SNTB2: variants seen among roughly 807,000 people sequenced by gnomAD.
The protein encoded by SNTB2 is beta-2-syntrophin.
In SNTB2, 34 loss-of-function variants were observed where a neutral mutation model predicts 46.2. That is an observed-to-expected ratio of 0.74 (90% CI 0.56 to 0.98). SNTB2 has a LOEUF of 0.98. SNTB2 is among the 50% of genes least tolerant of loss of function. The pLI, the probability that SNTB2 is intolerant of heterozygous loss-of-function variation, is 0.00. For missense variants in SNTB2, 603 were observed against 731.4 expected, an observed-to-expected ratio of 0.82 and a Z score of 2.02; for synonymous variants, 290 against 312.6, an observed-to-expected ratio of 0.93 and a Z score of 0.76.
chr16:69,292,153 C>T (rs1044648474), intron 5 of SNTB2, among the ~76,000 whole-genome samples: 11 of 144,956 alleles, frequency 7.6e-5, no homozygotes, highest in Non-Finnish European at 1.2e-4. Flanking sequence ...AGGAGAATGG[C>T]GAGAACCCGG....
intron 1 of SNTB2, among the ~76,000 whole-genome samples, chr16:69,236,417 T>C (rs561395635): frequency 2.9e-4 from 44 of 152,260 alleles, no homozygotes; most frequent in African/African-American, 1.1e-3. Flanking sequence ...ACAACTATTG[T>C]ATGAGTCCAC....
In SNTB2 at chr16:69,303,749, A is replaced by G. The variant is rs1290969049; in HGVS notation, c.*2825A>G. On this transcript the variant is annotated 3_prime_UTR_variant, in exon 7 of 7. Transcript: ENST00000336278. ...CCGCAAATGAAGTGCTCTCTAATGA[A>G]TGGGACACCATGATAAATATGTATT... The G allele has an allele frequency of 6.5e-6, 1 of 152,686 alleles. No individual in the cohort carries two copies. The highest frequency in any genetic ancestry group is 1.9e-4 in the East Asian group (1 of 5,204). The allele number at this position is 152,686 out of a possible 1,614,324, so 9.5% of individuals were successfully genotyped here.
At position 69,250,140 on chromosome 16, in the gene SNTB2, T is replaced by G. The variant is rs79524856; in HGVS notation, c.794+4325T>G. ...GATTTGCTTTTTGTAAAATATAAAT[T>G]GGAAGAGATTCAAGGTTATTCCTAT... is the stretch of plus-strand genomic sequence containing the variant. On this transcript the variant is annotated intron_variant, in intron 2 of 6. Transcript: ENST00000336278. Among the ~76,000 whole-genome samples, 705 of 152,326 alleles carry G rather than the reference T, an allele frequency of 4.6e-3. 32 individuals carry two copies. The South Asian group carries it at 0.091, about 20-fold the overall frequency.
intron 1 of SNTB2, among the ~76,000 whole-genome samples, chr16:69,242,640 A>C (rs1221176826): frequency 6.6e-6 from 1 of 152,134 alleles, no homozygotes; most frequent in African/African-American, 2.4e-5. Flanking sequence ...TGTGCAGTAC[A>C]TGTATGTGTT....
rs1055929857 is a variant in SNTB2, at chr16:69,308,307, G to A, written c.*7383G>A. On this transcript the variant is annotated 3_prime_UTR_variant, in exon 7 of 7. Coordinates refer to ENST00000336278, the MANE Select transcript of SNTB2 (RefSeq NM_006750.4). Reference sequence around the variant, plus strand: ...CAGTTGTGTCTTTTCACCTCGATTTGTGAATTAATAGAATTGGGGGGAGAG... The same window carrying A: ...CAGTTGTGTCTTTTCACCTCGATTTATGAATTAATAGAATTGGGGGGAGAG... The A allele has an allele frequency of 6.6e-6, 1 of 152,614 alleles. No homozygotes were observed. The highest frequency in any genetic ancestry group is 1.5e-5 in the Non-Finnish European group (1 of 68,040). 9.5% of individuals were successfully genotyped at this position (152,614 alleles called of 1,614,324 possible). A position where few individuals can be genotyped will look rare whatever the true frequency, so the allele number is the denominator to read the frequency against.
In SNTB2 at chr16:69,223,070, G is replaced by C. The variant is rs556577931; in HGVS notation, c.581-22532G>C. ...AAGTACTTGTGAGCCACTGCGCCCA[G>C]CCGTTTTGTTCTTATTACTTACAAT... On this transcript the variant is annotated intron_variant, in intron 1 of 6. Transcript: ENST00000336278. Among the ~76,000 whole-genome samples the C allele has an allele frequency of 9.9e-5, 15 of 152,092 alleles. No individual in the cohort carries two copies. In the South Asian group the frequency reaches 2.7e-3, roughly 27 times the overall value.
In SNTB2 at chr16:69,202,994, A is replaced by G. The variant is rs757754952; in HGVS notation, c.580+15248A>G. The stretch of plus-strand genomic sequence containing the variant: ...CTTAGCCTCCCAAAGTTCTAGGATT[A>G]AAGGTGTGAGCCACTGTGCACAGCC... On this transcript the variant is annotated intron_variant, in intron 1 of 6. Transcript: ENST00000336278. Among the ~76,000 whole-genome samples, 6 of 152,218 alleles carry G rather than the reference A, an allele frequency of 3.9e-5. No individual in the cohort carries two copies. In the East Asian group the frequency reaches 9.7e-4, roughly 25 times the overall value.
At chr16:69,232,585 C>CGTT (rs1273388506) in intron 1 of SNTB2, among the ~76,000 whole-genome samples, 1 of 137,664 alleles carries the variant, frequency 7.3e-6, no homozygotes, top group Non-Finnish European at 1.5e-5. Context: ...CATCTTGGCT[C>CGTT]GTTGCAACCT....
intron 1 of SNTB2, among the ~76,000 whole-genome samples, chr16:69,208,262 C>T (rs532822852): frequency 6.6e-6 from 1 of 151,868 alleles, no homozygotes; most frequent in Non-Finnish European, 1.5e-5. Flanking sequence ...CAAAACTAGC[C>T]GGACATGGTG....
At chr16:69,202,782 G>C (rs1036359010) in intron 1 of SNTB2, among the ~76,000 whole-genome samples, 1 of 152,014 alleles carries the variant, frequency 6.6e-6, no homozygotes, top group Non-Finnish European at 1.5e-5. Flanking sequence ...CGCCATGTTG[G>C]CCAGGCTGGT....
chr16:69,296,824 T>A (rs1597205458), intron 5 of SNTB2, among the ~76,000 whole-genome samples: 1 of 151,426 alleles, frequency 6.6e-6, no homozygotes, highest in Middle Eastern at 3.4e-3. Flanking sequence ...CTGGCCAACA[T>A]AGTGAAATCC....
intron 2 of SNTB2, among the ~76,000 whole-genome samples, chr16:69,258,960 T>C (rs1454269777): frequency 6.6e-6 from 1 of 152,144 alleles, no homozygotes; most frequent in East Asian, 1.9e-4. Context: ...GTTCATTATA[T>C]GGCAGTACAT....
intron 2 of SNTB2, among the ~76,000 whole-genome samples, chr16:69,246,697 CT>C (rs1267038421): frequency 2.1e-5 from 3 of 141,860 alleles, no homozygotes; most frequent in Non-Finnish European, 4.6e-5. Flanking sequence ...GTCCTGGACT[CT>C]TTTTGGTTGG....
In SNTB2 at chr16:69,224,640, A is replaced by G. The variant is rs117265344; in HGVS notation, c.581-20962A>G. On this transcript the variant is annotated intron_variant, in intron 1 of 6. Transcript: ENST00000336278. Reference sequence around the variant, plus strand: ...CAACAATGATTACTATAGTGTTTTAATGATGATTTTCTATTTATCTCATGC... The same window carrying G: ...CAACAATGATTACTATAGTGTTTTAGTGATGATTTTCTATTTATCTCATGC... Among the ~76,000 whole-genome samples the G allele has an allele frequency of 6.2e-3, 948 of 152,290 alleles. 6 individuals carry two copies. Among genetic ancestry groups the G allele is most frequent in the Non-Finnish European group, 0.011 (720 of 68,020 alleles).
chr16:69,220,849 A>G (rs1024307268), intron 1 of SNTB2, among the ~76,000 whole-genome samples: 1 of 152,134 alleles, frequency 6.6e-6, no homozygotes, highest in Non-Finnish European at 1.5e-5. Flanking sequence ...ATGTGTTTTG[A>G]TGGGTATATA....
At position 69,308,231 on chromosome 16, in the gene SNTB2, A is replaced by G. The variant is rs1377557586; in HGVS notation, c.*7307A>G. ...AGTATTGTAAATGTGTGTTCCTCCT[A>G]GGTTGGAAGAAATGTCTTTCCTTCT... is the stretch of plus-strand genomic sequence containing the variant. On this transcript the variant is annotated 3_prime_UTR_variant, in exon 7 of 7. Coordinates refer to ENST00000336278, the MANE Select transcript of SNTB2 (RefSeq NM_006750.4). 1 of 152,586 alleles carries G rather than the reference A, an allele frequency of 6.6e-6. No homozygotes were observed. Among genetic ancestry groups the G allele is most frequent in the Admixed American group, 6.5e-5 (1 of 15,272 alleles). The allele number at this position is 152,586 out of a possible 1,614,324, so 9.5% of individuals were successfully genotyped here. A position where few individuals can be genotyped will look rare whatever the true frequency, so the allele number is the denominator to read the frequency against.
intron 3 of SNTB2, among the ~76,000 whole-genome samples, chr16:69,261,096 G>A (rs566863718): frequency 1.3e-5 from 2 of 151,116 alleles, no homozygotes; most frequent in Non-Finnish European, 3.0e-5. Context: ...GAGTGTTTAA[G>A]TGCTAGCTCT....
rs149615317 is a variant in SNTB2, at chr16:69,206,348, T to C, written c.580+18602T>C. Among the ~76,000 whole-genome samples the C allele has an allele frequency of 4.1e-3, 621 of 152,200 alleles. 4 individuals carry two copies. Among genetic ancestry groups the C allele is most frequent in the Non-Finnish European group, 4.4e-3 (297 of 68,026 alleles). On this transcript the variant is annotated intron_variant, in intron 1 of 6. Transcript: ENST00000336278. ...TTTAGCGATCATTATTACTCTTCTC[T>C]CCAGTAGATATACTATTTGATCAAG...
chr16:69,296,738 A>G lies in SNTB2; in HGVS notation c.1346-2852A>G, dbSNP rs559770577. ...CTGTCTCAAAAAAAAAAAAAAGAAA[A>G]AAGAAATCTCAGGGGCCAAGCACTT... On this transcript the variant is annotated intron_variant, in intron 5 of 6. Transcript: ENST00000336278. 2.4e-3 allele frequency among the ~76,000 whole-genome samples: 364 copies of G among 150,430 alleles called. 2 individuals carry two copies. The highest frequency in any genetic ancestry group is 6.9e-3 in the African/African-American group (283 of 40,902).
Sources: allele counts gnomAD v4.1 joint callset (sites outside exome capture counted in the v4.1 genomes callset), GRCh38; gene constraint gnomAD v4.1.1; transcripts MANE v1.5; gene names NCBI Gene and HGNC (gene_info 2026-07-23, HGNC 2026-07-21).